Variants in CXADR observed in about 807,000 individuals in gnomAD.
The protein encoded by CXADR is CXADR cell adhesion molecule.
A neutral mutation model predicts 40.3 loss-of-function variants in CXADR; 20 were observed. The observed-to-expected ratio is 0.50, with a 90% confidence interval of 0.35 to 0.72. The LOEUF is 0.72. Ranked by LOEUF, CXADR falls within the 30% of genes least tolerant of loss-of-function variation. The pLI, the probability that CXADR is intolerant of heterozygous loss-of-function variation, is 0.01. For synonymous variants in CXADR, 150 were observed against 161.3 expected, an observed-to-expected ratio of 0.93 and a Z score of 0.53; for missense variants, 332 against 449.1, an observed-to-expected ratio of 0.74 and a Z score of 2.36.
At chr21:17,526,297 T>TG (rs2060597546) in intron 1 of CXADR, among the ~76,000 whole-genome samples, 6 of 152,124 alleles carry the variant, frequency 3.9e-5, no homozygotes, top group Non-Finnish European at 7.3e-5. Context: ...CTAAAATCGT[T>TG]ATTTTTTTTT....
At chr21:17,534,238 A>G (rs1282855028) in intron 1 of CXADR, among the ~76,000 whole-genome samples, 1 of 149,920 alleles carries the variant, frequency 6.7e-6, no homozygotes, top group Non-Finnish European at 1.5e-5. Context: ...CTGGGACTAC[A>G]GGTGCCTGCC....
At chr21:17,631,800 C>A in the CXADR span, among the ~76,000 whole-genome samples, 3 of 152,142 alleles carry the variant, frequency 2.0e-5, no homozygotes, top group Middle Eastern at 3.2e-3. Flanking sequence ...GCTACCCCTA[C>A]GTGTGGTAGA....
intron 1 of CXADR, among the ~76,000 whole-genome samples, chr21:17,516,953 A>G (rs2060469217): frequency 7.0e-6 from 1 of 143,218 alleles, no homozygotes; most frequent in Admixed American, 6.7e-5. Flanking sequence ...TGAAAAATAG[A>G]AAAAAAACAG....
intron 7 of CXADR, among the ~76,000 whole-genome samples, chr21:17,575,909 G>A (rs1249329183): frequency 6.6e-6 from 1 of 150,526 alleles, no homozygotes; most frequent in Non-Finnish European, 1.5e-5. Context: ...CCAACATGGT[G>A]AAACCCTGTC....
the CXADR span, chr21:17,599,186 T>A: frequency 1.5e-5 from 3 of 195,586 alleles, no homozygotes; most frequent in Non-Finnish European, 3.1e-5. Context: ...GATGTATTTT[T>A]ATTTTTTTGA....
At chr21:17,573,984 T>G (rs1157098543), downstream of CXADR, among the ~76,000 whole-genome samples, 3 of 152,206 alleles carry the variant, frequency 2.0e-5, no homozygotes, top group African/African-American at 7.2e-5. Context: ...TTGAGGGAAG[T>G]AAAGCTTAGA....
chr21:17,584,830 C>T (rs2123389808), intron 7 of CXADR, among the ~76,000 whole-genome samples: 1 of 152,082 alleles, frequency 6.6e-6, no homozygotes, highest in Non-Finnish European at 1.5e-5. Context: ...TCTCAAAAAA[C>T]AAACAAACAA....
At chr21:17,558,312 T>C (rs2061062418) in intron 3 of CXADR, among the ~76,000 whole-genome samples, 1 of 152,022 alleles carries the variant, frequency 6.6e-6, no homozygotes, top group African/African-American at 2.4e-5. Flanking sequence ...GAAGTTTTTA[T>C]TATGACAGAG....
chr21:17,578,593 T>C (rs980788928), intron 7 of CXADR, among the ~76,000 whole-genome samples: 19 of 152,172 alleles, frequency 1.2e-4, no homozygotes, highest in African/African-American at 4.3e-4. Context: ...TCCTAGCACT[T>C]TGGGAGGCCA....
rs751201027 is a variant in CXADR at position 17,567,641 on chromosome 21, T to C, written c.*1949T>C. ...TTTCAATATTCCCAACACTCTATGT[T>C]TCTGATTTTATAACAGTAGCCATTT... On this transcript the variant is annotated 3_prime_UTR_variant, in exon 7 of 7. Coordinates refer to ENST00000284878, the MANE Select transcript of CXADR (RefSeq NM_001338.5). 3.0e-4 allele frequency: 298 copies of C among 983,372 alleles called. No individual in the cohort carries two copies. The highest frequency in any genetic ancestry group is 3.4e-4 in the Non-Finnish European group (285 of 828,130). 60.9% of individuals were successfully genotyped at this position (983,372 alleles called of 1,614,324 possible).
the CXADR span, among the ~76,000 whole-genome samples, chr21:17,636,203 T>C: frequency 6.6e-6 from 1 of 152,228 alleles, no homozygotes; most frequent in South Asian, 2.1e-4. Flanking sequence ...CTTTAGGGTT[T>C]TTTGATAGAT....
At chr21:17,584,524 GA>G (rs2061381449) in intron 7 of CXADR, among the ~76,000 whole-genome samples, 1 of 152,122 alleles carries the variant, frequency 6.6e-6, no homozygotes, top group Non-Finnish European at 1.5e-5. Context: ...TTGCGATTCT[GA>G]AAGTTTTAAA....
chr21:17,533,526 C>T (rs994962548), intron 1 of CXADR, among the ~76,000 whole-genome samples: 3 of 152,150 alleles, frequency 2.0e-5, no homozygotes, highest in Admixed American at 2.0e-4. Context: ...TTGAATCTTG[C>T]TCCTTCAGTA....
At position 17,569,491 on chromosome 21, in the gene CXADR, A is replaced by G. The variant is rs1569143987; in HGVS notation, c.*3799A>G. On this transcript the variant is annotated 3_prime_UTR_variant, in exon 7 of 7. Transcript: ENST00000284878. Reference sequence around the variant, plus strand: ...AGCAATAAAGGCATCATGTTCTGCAATAGGATTTCTTACTCATTTACCTAT... The same window carrying G: ...AGCAATAAAGGCATCATGTTCTGCAGTAGGATTTCTTACTCATTTACCTAT... 7 of 985,172 alleles carry G rather than the reference A, an allele frequency of 7.1e-6. No homozygotes were observed. The highest frequency in any genetic ancestry group is 4.7e-5 in the South Asian group (1 of 21,290). 61.0% of individuals were successfully genotyped at this position (985,172 alleles called of 1,614,324 possible). A position where few individuals can be genotyped will look rare whatever the true frequency, so the allele number is the denominator to read the frequency against.
the CXADR span, among the ~76,000 whole-genome samples, chr21:17,618,380 G>T: frequency 6.6e-6 from 1 of 152,072 alleles, no homozygotes; most frequent in African/African-American, 2.4e-5. Context: ...TTCTATTAAT[G>T]TTGATATTTT....
intron 7 of CXADR, among the ~76,000 whole-genome samples, chr21:17,577,834 T>C (rs114923294): frequency 7.5e-4 from 114 of 152,206 alleles, no homozygotes; most frequent in African/African-American, 2.4e-3. Context: ...TGGCACTCTC[T>C]GCTTCTCCTA....
chr21:17,599,714 AG>A, the CXADR span, among the ~76,000 whole-genome samples: 1 of 152,108 alleles, frequency 6.6e-6, no homozygotes. Flanking sequence ...TCCTGACCTC[AG>A]GTGATCCACC....
At position 17,569,689 on chromosome 21, in the gene CXADR, C is replaced by T. The variant is rs954729222; in HGVS notation, c.*3997C>T. ...CCAGCCTCTTATTCATTATGGTTAA[C>T]TTTTATAATTTATCTTATTTTATAA... is the stretch of plus-strand genomic sequence containing the variant. On this transcript the variant is annotated 3_prime_UTR_variant, in exon 7 of 7. Transcript: ENST00000284878. 3 of 969,536 alleles carry T rather than the reference C, an allele frequency of 3.1e-6. No individual in the cohort carries two copies. The African/African-American group carries it at 5.3e-5, about 17-fold the overall frequency. The allele number at this position is 969,536 out of a possible 1,614,324, so 60.1% of individuals were successfully genotyped here. A position where few individuals can be genotyped will look rare whatever the true frequency, so the allele number is the denominator to read the frequency against.
chr21:17,599,119 T>C, the CXADR span: 1 of 290,266 alleles, frequency 3.4e-6, no homozygotes, highest in African/African-American at 2.2e-5. Context: ...AAAAGTCCAT[T>C]GTTTTGATTA....
Sources: allele counts gnomAD v4.1 joint callset (sites outside exome capture counted in the v4.1 genomes callset), GRCh38; gene constraint gnomAD v4.1.1; transcripts MANE v1.5; gene names NCBI Gene and HGNC (gene_info 2026-07-23, HGNC 2026-07-21).